The following BICC1 variants were observed in gnomAD, a reference collection of about 807,000 sequenced individuals.
The protein encoded by BICC1 is BicC family RNA binding protein 1.
A neutral mutation model predicts 111.0 loss-of-function variants in BICC1; 43 were observed. The observed-to-expected ratio is 0.39, with a 90% confidence interval of 0.30 to 0.50. BICC1 has a LOEUF of 0.50. Among genes scored for constraint, BICC1 ranks in the 20% least tolerant of loss-of-function variants. The pLI, the probability that BICC1 is intolerant of heterozygous loss-of-function variation, is 0.88. For synonymous variants in BICC1, 467 were observed against 434.4 expected (o/e 1.07, Z -0.93); for missense variants, 1,091 against 1,203.2 (o/e 0.91, Z 1.38).
intron 2 of BICC1, among the ~76,000 whole-genome samples, chr10:58,630,664 G>GAAT (rs1564521650): frequency 6.6e-6 from 1 of 152,084 alleles, no homozygotes; most frequent in African/African-American, 2.4e-5. Flanking sequence ...ACTCTACAAG[G>GAAT]CCTAAATCAT....
chr10:58,649,142 C>A lies in BICC1; in HGVS notation c.237+28241C>A, dbSNP rs116739646. 3.5e-3 allele frequency among the ~76,000 whole-genome samples: 535 copies of A among 152,238 alleles called. 6 individuals carry two copies. The highest frequency in any genetic ancestry group is 5.1e-3 in the Non-Finnish European group (349 of 68,006). On this transcript the variant is annotated intron_variant, in intron 2 of 20. Coordinates refer to ENST00000373886, the MANE Select transcript of BICC1 (RefSeq NM_001080512.3). ...GGGAAATGGGTAGGCCCCATAAAGG[C>A]GAGTAGATGATCTCTTGGGAGAAAG...
rs565583232 is a variant in BICC1 at position 58,772,931 on chromosome 10, A to G, written c.308-12070A>G. ...GCCAAGAAAATATTAAAGAAATTCA[A>G]AAATGCTGCTGATCCACACATATTT... is the stretch of plus-strand genomic sequence containing the variant. On this transcript the variant is annotated intron_variant, in intron 3 of 20. Coordinates refer to ENST00000373886, the MANE Select transcript of BICC1 (RefSeq NM_001080512.3). Among the ~76,000 whole-genome samples, 222 of 152,338 alleles carry G rather than the reference A, an allele frequency of 1.5e-3. 2 individuals are homozygous for G. Among genetic ancestry groups the G allele is most frequent in the African/African-American group, 5.1e-3 (214 of 41,574 alleles).
intron 1 of BICC1, among the ~76,000 whole-genome samples, chr10:58,521,975 G>A (rs1027825414): frequency 6.6e-6 from 1 of 151,614 alleles, no homozygotes; most frequent in African/African-American, 2.4e-5. Flanking sequence ...TGAAATCATT[G>A]AAGTTAAGAA....
chr10:58,817,818 C>A, intron 19 of BICC1, 96 bp downstream of exon 19: 1 of 1,231,012 alleles, frequency 8.1e-7, no homozygotes, highest in Non-Finnish European at 1.1e-6. Context: ...AGTATGCTTT[C>A]ACTGAGCATT....
At chr10:58,797,064 G>T (rs1843379414) in intron 10 of BICC1, among the ~76,000 whole-genome samples, 2 of 152,118 alleles carry the variant, frequency 1.3e-5, no homozygotes, top group Non-Finnish European at 2.9e-5. Context: ...GAAAATAGAA[G>T]AATGAACAAA....
At chr10:58,608,918 C>T (rs1323856543) in intron 1 of BICC1, among the ~76,000 whole-genome samples, 1 of 152,208 alleles carries the variant, frequency 6.6e-6, no homozygotes, top group East Asian at 1.9e-4. Context: ...GCAGGCATGT[C>T]TCTTCTTTGC....
chr10:58,564,761 T>C (rs1843705678), intron 1 of BICC1, among the ~76,000 whole-genome samples: 1 of 152,212 alleles, frequency 6.6e-6, no homozygotes, highest in South Asian at 2.1e-4. Flanking sequence ...AATATGGTTA[T>C]AAATGGTTCT....
chr10:58,607,148 C>T lies in BICC1; in HGVS notation c.191-13707C>T, dbSNP rs940344721. On this transcript the variant is annotated intron_variant, in intron 1 of 20. Coordinates refer to ENST00000373886, the MANE Select transcript of BICC1 (RefSeq NM_001080512.3). ...CCTGCCCAACATGGAGAAACCCTGT[C>T]TCTACTAAAAATACAAAATTAGCCG... Among the ~76,000 whole-genome samples, 20 of 152,034 alleles carry T rather than the reference C, an allele frequency of 1.3e-4. No homozygotes were observed. In the East Asian group the frequency reaches 3.7e-3, roughly 28 times the overall value.
chr10:58,768,219 G>A (rs987074271), intron 3 of BICC1, among the ~76,000 whole-genome samples: 2 of 152,086 alleles, frequency 1.3e-5, no homozygotes, highest in Non-Finnish European at 2.9e-5. Context: ...ACACATAAAA[G>A]AAGACTGTCA....
intron 8 of BICC1, among the ~76,000 whole-genome samples, chr10:58,792,819 T>G (rs1054490514): frequency 1.3e-5 from 2 of 152,194 alleles, no homozygotes; most frequent in African/African-American, 4.8e-5. Context: ...AAATGTAATG[T>G]GCTTGAATCA....
At chr10:58,657,378 G>A (rs534756259) in intron 2 of BICC1, among the ~76,000 whole-genome samples, 5 of 152,160 alleles carry the variant, frequency 3.3e-5, no homozygotes, top group African/African-American at 1.2e-4. Flanking sequence ...TGCTGTTTTT[G>A]CTTTTTTGTA....
At position 58,607,317 on chromosome 10, in the gene BICC1, A is replaced by AAAGTAAATAAATAAATAAATAAATAAAT. The variant is rs1554811635; in HGVS notation, c.191-13536_191-13535insGTAAATAAATAAATAAATAAATAAATAA. ...GGCAACAAGAGCGAAACTCTGTCTC[A>AAAGTAAATAAATAAATAAATAAATAAAT]AAATAAATAAATAAATAAATAAATA... On this transcript the variant is annotated intron_variant, in intron 1 of 20. Transcript: ENST00000373886. Among the ~76,000 whole-genome samples, 21 of 134,674 alleles carry AAAGTAAATAAATAAATAAATAAATAAAT rather than the reference A, an allele frequency of 1.6e-4. 1 individual carries two copies. The highest frequency in any genetic ancestry group is 5.0e-4 in the African/African-American group (19 of 37,822). 88.4% of individuals were successfully genotyped at this position (134,674 alleles called of 152,430 possible).
intron 1 of BICC1, among the ~76,000 whole-genome samples, chr10:58,525,276 T>A (rs11006174): frequency 1.0e-5 from 1 of 99,334 alleles, no homozygotes; most frequent in Non-Finnish European, 2.4e-5. Flanking sequence ...ATGTTTATTG[T>A]GGCACTATTC....
At chr10:58,708,672 T>A (rs2132475474) in intron 3 of BICC1, among the ~76,000 whole-genome samples, 1 of 152,272 alleles carries the variant, frequency 6.6e-6, no homozygotes, top group Admixed American at 6.5e-5. Flanking sequence ...TCCACCCTAA[T>A]CTTTTACTAT....
At chr10:58,653,399 G>C (rs1172283203) in intron 2 of BICC1, among the ~76,000 whole-genome samples, 2 of 152,056 alleles carry the variant, frequency 1.3e-5, no homozygotes, top group African/African-American at 4.8e-5. Context: ...TGGGACAAAT[G>C]CTTGATAAAT....
At chr10:58,570,580 AG>A (rs1388985336) in intron 1 of BICC1, among the ~76,000 whole-genome samples, 2 of 152,150 alleles carry the variant, frequency 1.3e-5, no homozygotes, top group African/African-American at 4.8e-5. Flanking sequence ...CCATCTTTGT[AG>A]GCTTCTTTTC....
At chr10:58,704,126 C>T (rs1420948070) in intron 3 of BICC1, among the ~76,000 whole-genome samples, 1 of 152,122 alleles carries the variant, frequency 6.6e-6, no homozygotes, top group Non-Finnish European at 1.5e-5. Flanking sequence ...ATATATTTTG[C>T]TTTGGAATTA....
chr10:58,570,787 T>C (rs1033520731), intron 1 of BICC1, among the ~76,000 whole-genome samples: 3 of 152,188 alleles, frequency 2.0e-5, no homozygotes, highest in African/African-American at 7.2e-5. Context: ...TTCCGAGACC[T>C]GAACCCGTAT....
chr10:58,537,507 G>A (rs1842855301), intron 1 of BICC1, among the ~76,000 whole-genome samples: 1 of 151,746 alleles, frequency 6.6e-6, no homozygotes, highest in Non-Finnish European at 1.5e-5. Flanking sequence ...AGCCATCTAT[G>A]ACAGATTCAC....
Sources: gnomAD v4.1 joint callset for allele counts (sites outside exome capture counted in the v4.1 genomes callset) on GRCh38, gnomAD v4.1.1 for gene constraint, MANE v1.5 for transcripts, NCBI Gene and HGNC (gene_info 2026-07-23, HGNC 2026-07-21) for gene names.